Variants in VRK2 observed in about 807,000 individuals in gnomAD.
VRK2 encodes the protein VRK serine/threonine kinase 2.
A neutral mutation model predicts 57.6 loss-of-function variants in VRK2; 60 were observed. The observed-to-expected ratio is 1.04, with a 90% CI of 0.85 to 1.29. The LOEUF is 1.29. Ranked by LOEUF, VRK2 falls within the 50% of genes most tolerant of loss-of-function variation. The pLI is 0.00. For missense variants in VRK2, 705 were observed against 588.1 expected (o/e 1.20, Z -2.06); for synonymous variants, 231 against 199.2 (o/e 1.16, Z -1.35).
At chr2:58,020,324 G>A (rs537318114) in intron 1 of VRK2, among the ~76,000 whole-genome samples, 6 of 152,278 alleles carry the variant, frequency 3.9e-5, no homozygotes, top group African/African-American at 1.4e-4. Context: ...TCCCACCTCA[G>A]CCTCCTACCT....
chr2:58,137,224 C>CTCATATGATACATATATATCAT (rs1553422542), intron 10 of VRK2, among the ~76,000 whole-genome samples: 5 of 65,148 alleles, frequency 7.7e-5, no homozygotes, highest in Non-Finnish European at 1.0e-4. Flanking sequence ...ACATATATAT[C>CTCATATGATACATATATATCAT]ATATGATACA....
intron 12 of VRK2, among the ~76,000 whole-genome samples, chr2:58,153,740 TTCC>T (rs1216264819): frequency 2.6e-5 from 4 of 152,110 alleles, no homozygotes; most frequent in Non-Finnish European, 5.9e-5. Context: ...TTGAGAAGCC[TTCC>T]TCCTCTTCTT....
intron 1 of VRK2, among the ~76,000 whole-genome samples, chr2:57,989,760 TAG>T (rs1042141674): frequency 1.3e-5 from 2 of 152,346 alleles, no homozygotes; most frequent in African/African-American, 4.8e-5. Flanking sequence ...AACTTGTAAA[TAG>T]ATTCATCCAA....
chr2:57,935,401 T>C (rs569115740), intron 1 of VRK2, among the ~76,000 whole-genome samples: 144 of 152,302 alleles, frequency 9.5e-4, no homozygotes, highest in Non-Finnish European at 1.6e-3. Context: ...GCTTCCCATT[T>C]GTTTTCTCTA....
chr2:58,134,703 T>C (rs1424447147), intron 9 of VRK2, among the ~76,000 whole-genome samples: 1 of 152,032 alleles, frequency 6.6e-6, no homozygotes, highest in African/African-American at 2.4e-5. Context: ...TACCCTTTTG[T>C]CCAGTCACAT....
At chr2:58,082,955 T>C (rs965305854) in intron 2 of VRK2, among the ~76,000 whole-genome samples, 2 of 151,722 alleles carry the variant, frequency 1.3e-5, no homozygotes, top group Non-Finnish European at 3.0e-5. Context: ...TATTTATATC[T>C]AAGATGTGAA....
chr2:58,027,618 A>G (rs950739842), intron 2 of VRK2, among the ~76,000 whole-genome samples: 2 of 152,288 alleles, frequency 1.3e-5, no homozygotes, highest in Middle Eastern at 3.4e-3. Context: ...TTATAAAGTT[A>G]GTCAACTATA....
intron 1 of VRK2, among the ~76,000 whole-genome samples, chr2:57,936,929 T>C (rs1178842359): frequency 6.6e-6 from 1 of 152,224 alleles, no homozygotes. Flanking sequence ...TACCGCATCC[T>C]ATTTTACCAA....
intron 1 of VRK2, among the ~76,000 whole-genome samples, chr2:57,994,997 T>G (rs1428326683): frequency 1.3e-5 from 2 of 152,182 alleles, no homozygotes; most frequent in East Asian, 3.8e-4. Flanking sequence ...CAAGAAAATA[T>G]GTTCTTATAC....
At chr2:57,982,708 C>A (rs1157417695) in intron 1 of VRK2, among the ~76,000 whole-genome samples, 1 of 152,142 alleles carries the variant, frequency 6.6e-6, no homozygotes, top group Non-Finnish European at 1.5e-5. Flanking sequence ...ATAGAGGACA[C>A]TCAGATCAGA....
chr2:58,134,750 A>G (rs1050201998), intron 9 of VRK2, among the ~76,000 whole-genome samples: 3 of 152,104 alleles, frequency 2.0e-5, no homozygotes, highest in African/African-American at 7.2e-5. Flanking sequence ...AAACCTAAGC[A>G]TAAAGATAGA....
rs72947182 is a variant in VRK2, at chr2:57,968,180, G to A, written c.-438-57485G>A. 6.3e-3 allele frequency among the ~76,000 whole-genome samples: 956 copies of A among 151,982 alleles called. 9 individuals carry two copies. Among genetic ancestry groups the A allele is most frequent in the African/African-American group, 0.021 (868 of 41,512 alleles). On this transcript the variant is annotated intron_variant, in intron 1 of 15. Coordinates refer to the VRK2 transcript ENST00000417641. ...TGCAAAAAAATTAAATTATCAGTGT[G>A]TAGAACAAACATAAAAAAATTACCT...
chr2:58,133,168 A>G (rs570601711), intron 9 of VRK2, among the ~76,000 whole-genome samples: 3 of 152,274 alleles, frequency 2.0e-5, no homozygotes, highest in South Asian at 4.1e-4. Context: ...CTTTTTATCA[A>G]TATGCATATA....
chr2:58,051,076 C>T (rs1242688245), intron 2 of VRK2, among the ~76,000 whole-genome samples: 1 of 152,202 alleles, frequency 6.6e-6, no homozygotes, highest in Non-Finnish European at 1.5e-5. Flanking sequence ...AACTCCTGAC[C>T]TCAGGTGATC....
chr2:57,987,718 T>C (rs1672641443), intron 1 of VRK2, among the ~76,000 whole-genome samples: 1 of 152,138 alleles, frequency 6.6e-6, no homozygotes, highest in Non-Finnish European at 1.5e-5. Context: ...TTGTAGTATA[T>C]TTATTCAAAA....
At chr2:57,944,956 C>CT (rs1420117791) in intron 1 of VRK2, among the ~76,000 whole-genome samples, 1 of 152,074 alleles carries the variant, frequency 6.6e-6, no homozygotes, top group Non-Finnish European at 1.5e-5. Flanking sequence ...TAGAAAGAAT[C>CT]TTGTGAATTA....
At chr2:58,049,117 A>G in intron 2 of VRK2, 150 bp downstream of exon 2, 1 of 1,006,590 alleles carries the variant, frequency 9.9e-7, no homozygotes, top group Non-Finnish European at 1.4e-6. Context: ...AATAGAGTAC[A>G]GTGTCTAGGT....
intron 8 of VRK2, among the ~76,000 whole-genome samples, chr2:58,129,012 G>C (rs1326440004): frequency 6.6e-6 from 1 of 152,058 alleles, no homozygotes; most frequent in African/African-American, 2.4e-5. Flanking sequence ...TAGAAATGTA[G>C]AACATTTGAG....
chr2:58,144,094 A>G (rs1301288406), intron 11 of VRK2, among the ~76,000 whole-genome samples: 1 of 151,892 alleles, frequency 6.6e-6, no homozygotes, highest in East Asian at 1.9e-4. Context: ...GACATTTGCA[A>G]CATCATGGAT....
Sources: gnomAD v4.1 joint callset for allele counts (sites outside exome capture counted in the v4.1 genomes callset) on GRCh38, gnomAD v4.1.1 for gene constraint, MANE v1.5 for transcripts, NCBI Gene and HGNC (gene_info 2026-07-23, HGNC 2026-07-21) for gene names.